The following RYR3 variants were observed in gnomAD, a reference collection of about 807,000 sequenced individuals.
RYR3 encodes ryanodine receptor 3, also known as brain ryanodine receptor-calcium release channel.
RYR3 carries 207 observed loss-of-function variants against 584.3 expected under a neutral mutation model. That is an observed-to-expected ratio of 0.35 (90% confidence interval 0.32 to 0.40). The LOEUF is 0.40. Ranked by LOEUF, RYR3 falls within the 10% of genes least tolerant of loss-of-function variation. The pLI is 1.00. For synonymous variants in RYR3, 2,416 were observed against 2,248.5 expected (o/e 1.07, Z -2.11); for missense variants, 5,616 against 6,089.2 (o/e 0.92, Z 2.59).
chr15:33,699,570 A>G (rs2066141740), intron 40 of RYR3, 134 bp from the exon 41 acceptor site: 5 of 719,206 alleles, frequency 7.0e-6, no homozygotes, highest in Non-Finnish European at 1.1e-5. Context: ...ATAAGTCTTG[A>G]GAAAAAAAAT....
At chr15:33,649,802 G>A (rs2062355383) in intron 31 of RYR3, among the ~76,000 whole-genome samples, 1 of 152,226 alleles carries the variant, frequency 6.6e-6, no homozygotes, top group Non-Finnish European at 1.5e-5. Context: ...TGGCACTGCT[G>A]CCAGAGAAGG....
chr15:33,482,524 A>G (rs189624574), intron 2 of RYR3, among the ~76,000 whole-genome samples: 1,972 of 152,234 alleles, frequency 0.013, 13 homozygotes, highest in Middle Eastern at 0.02. Flanking sequence ...GGTTCAAGCA[A>G]TTCTCCTGCC....
Position 33,530,660 on chromosome 15 carries a change from C to T in RYR3, c.348C>T (p.Ser116=), listed in dbSNP as rs374563732. 2.7e-5 allele frequency: 44 copies of T among 1,612,028 alleles called. No homozygotes were observed. The highest frequency in any genetic ancestry group is 2.0e-4 in the African/African-American group (15 of 74,834). The change falls in exon 4 of 104, where the codon AGC becomes AGT. Residue 116 remains serine (S), a synonymous_variant. Transcript: ENST00000634891. ...CAGTTCTCCTGAGGCACTCTTTCAG[C>T]GGAATGGTAAGCAGCTCTGGTGCCC... The part of the protein sequence containing the change: ...GHAVLLRHSF[S]GMYLTCLTTS...
chr15:33,511,052 T>A (rs1567408680), intron 3 of RYR3, among the ~76,000 whole-genome samples: 1 of 152,144 alleles, frequency 6.6e-6, no homozygotes, highest in African/African-American at 2.4e-5. Context: ...AAAATCTGAT[T>A]GATATAATTG....
chr15:33,853,101 G>T lies in RYR3; in HGVS notation c.13671+14G>T, dbSNP rs2079273452. On this transcript the variant is annotated intron_variant, in intron 95 of 103. Coordinates refer to ENST00000634891, the MANE Select transcript of RYR3 (RefSeq NM_001036.6). Reference sequence around the variant, plus strand: ...GTAAAGAGAAAGGTATGCCTTGTTAGTGGGGGTGAGTTCCGTGATCACCAA... The same window carrying T: ...GTAAAGAGAAAGGTATGCCTTGTTATTGGGGGTGAGTTCCGTGATCACCAA... The T allele has an allele frequency of 6.3e-7, 1 of 1,579,764 alleles. No individual in the cohort carries two copies. The highest frequency in any genetic ancestry group is 8.6e-7 in the Non-Finnish European group (1 of 1,165,000).
intron 42 of RYR3, among the ~76,000 whole-genome samples, chr15:33,705,998 A>G (rs980571868): frequency 2.6e-5 from 4 of 152,208 alleles, no homozygotes; most frequent in Admixed American, 6.5e-5. Flanking sequence ...CTGACAGTAC[A>G]TGGTGTGTTC....
intron 37 of RYR3, 144 bp downstream of exon 37, chr15:33,669,600 GCTAC>G: frequency 2.9e-6 from 2 of 688,400 alleles, no homozygotes; most frequent in Non-Finnish European, 4.9e-6. Context: ...GACTATCCTA[GCTAC>G]TTGTGTCAGA....
At chr15:33,451,818 T>G (rs1417499504) in intron 1 of RYR3, among the ~76,000 whole-genome samples, 6 of 152,262 alleles carry the variant, frequency 3.9e-5, no homozygotes, top group African/African-American at 1.4e-4. Context: ...TTCACAGTAG[T>G]CTTTGACTTC....
At chr15:33,611,054 T>C (rs1370828591) in intron 18 of RYR3, among the ~76,000 whole-genome samples, 1 of 152,218 alleles carries the variant, frequency 6.6e-6, no homozygotes, top group Non-Finnish European at 1.5e-5. Flanking sequence ...ACTGGGATTA[T>C]AAATATTCTA....
chr15:33,484,695 G>A (rs1181859915), intron 2 of RYR3, among the ~76,000 whole-genome samples: 3 of 152,158 alleles, frequency 2.0e-5, no homozygotes. Context: ...TAGAGTTATA[G>A]GTTTTAGCTG....
intron 19 of RYR3, among the ~76,000 whole-genome samples, chr15:33,615,201 C>A (rs2060390171): frequency 6.6e-6 from 1 of 152,128 alleles, no homozygotes; most frequent in African/African-American, 2.4e-5. Context: ...TGGAAAGGGT[C>A]ATGGCAGGAG....
chr15:33,585,079 G>A (rs1400458197), intron 15 of RYR3, among the ~76,000 whole-genome samples: 3 of 152,070 alleles, frequency 2.0e-5, no homozygotes, highest in Admixed American at 6.5e-5. Context: ...CCTCCGAGAT[G>A]AGTAAACATG....
chr15:33,417,775 G>A (rs764777388), intron 1 of RYR3, among the ~76,000 whole-genome samples: 6 of 152,078 alleles, frequency 3.9e-5, no homozygotes, highest in African/African-American at 7.2e-5. Context: ...TCACAGTGGG[G>A]TTGCTTTCAG....
intron 38 of RYR3, among the ~76,000 whole-genome samples, chr15:33,693,165 G>C (rs1417943323): frequency 6.6e-6 from 1 of 152,218 alleles, no homozygotes; most frequent in Non-Finnish European, 1.5e-5. Context: ...AAGAGTCTTT[G>C]TTTTTGTCTT....
At position 33,827,787 on chromosome 15, in the gene RYR3, G is replaced by C. The variant is rs185300663; in HGVS notation, c.11334+500G>C. Among the ~76,000 whole-genome samples, 9 of 152,258 alleles carry C rather than the reference G, an allele frequency of 5.9e-5. No individual in the cohort carries two copies. The East Asian group carries it at 1.5e-3, about 26-fold the overall frequency. On this transcript the variant is annotated intron_variant, in intron 85 of 103. Transcript: ENST00000634891. ...TCCTCTTTGCTGATTCCTCATCCTG[G>C]TTCTGCCACTTACTGGTTTGTAACC...
intron 1 of RYR3, among the ~76,000 whole-genome samples, chr15:33,330,265 A>G (rs1184668992): frequency 6.6e-6 from 1 of 152,118 alleles, no homozygotes; most frequent in East Asian, 1.9e-4. Flanking sequence ...AATCACCTGT[A>G]TTCCTTCTTC....
At chr15:33,701,480 CTG>C (rs2152774306) in intron 42 of RYR3, among the ~76,000 whole-genome samples, 1 of 152,296 alleles carries the variant, frequency 6.6e-6, no homozygotes, top group East Asian at 1.9e-4. Flanking sequence ...CTGAGACAAA[CTG>C]AGCTGCCCTC....
chr15:33,338,573 A>G (rs1971429557), intron 1 of RYR3, among the ~76,000 whole-genome samples: 1 of 152,152 alleles, frequency 6.6e-6, no homozygotes, highest in African/African-American at 2.4e-5. Context: ...TTAACAGCTC[A>G]CTAGGAATTT....
chr15:33,612,192 A>C (rs921105174), intron 18 of RYR3, among the ~76,000 whole-genome samples: 1 of 152,216 alleles, frequency 6.6e-6, no homozygotes, highest in Admixed American at 6.5e-5. Flanking sequence ...GAAAGCAGAG[A>C]GGTGATTTTC....
Sources: gnomAD v4.1 joint callset for allele counts (sites outside exome capture counted in the v4.1 genomes callset) on GRCh38, gnomAD v4.1.1 for gene constraint, MANE v1.5 for transcripts, NCBI Gene and HGNC (gene_info 2026-07-23, HGNC 2026-07-21) for gene names.